RIMS2: variants seen among roughly 807,000 people sequenced by gnomAD.
RIMS2 encodes the protein regulating synaptic membrane exocytosis protein 2.
A neutral mutation model predicts 174.4 loss-of-function variants in RIMS2; 59 were observed. The observed-to-expected ratio is 0.34, with a 90% confidence interval of 0.27 to 0.42. The LOEUF (loss-of-function observed/expected upper bound fraction) is 0.42, where lower values mean the gene tolerates loss of function less well. Among genes scored for constraint, RIMS2 ranks in the 10% least tolerant of loss-of-function variants. RIMS2 has a pLI of 1.00. For synonymous variants in RIMS2, 606 were observed against 572.5 expected (o/e 1.06, Z -0.84); for missense variants, 1,620 against 1,666.3 (o/e 0.97, Z 0.48).
chr8:103,699,908 C>T (rs1367417883), intron 2 of RIMS2, among the ~76,000 whole-genome samples: 2 of 151,982 alleles, frequency 1.3e-5, no homozygotes, highest in East Asian at 3.9e-4. Flanking sequence ...TTAATGATTT[C>T]TAATTTACCT....
chr8:103,703,502 G>T (rs2097191475), intron 2 of RIMS2, among the ~76,000 whole-genome samples: 1 of 152,102 alleles, frequency 6.6e-6, no homozygotes, highest in Admixed American at 6.5e-5. Flanking sequence ...CTCCCAAAGT[G>T]CTGGAATTAT....
At chr8:104,172,181 G>A (rs1205627557) in intron 19 of RIMS2, among the ~76,000 whole-genome samples, 1 of 152,186 alleles carries the variant, frequency 6.6e-6, no homozygotes, top group Non-Finnish European at 1.5e-5. Context: ...AAAGCATGTG[G>A]GTAGATGTAA....
chr8:103,702,552 G>A (rs2097178287), intron 2 of RIMS2, among the ~76,000 whole-genome samples: 1 of 152,082 alleles, frequency 6.6e-6, no homozygotes, highest in Non-Finnish European at 1.5e-5. Flanking sequence ...ACAGTTTCAG[G>A]TCTTAGATTT....
intron 2 of RIMS2, among the ~76,000 whole-genome samples, chr8:103,756,266 T>G (rs1249646849): frequency 2.0e-5 from 3 of 152,058 alleles, no homozygotes; most frequent in Admixed American, 1.3e-4. Flanking sequence ...GAGGCTCAGT[T>G]GGAAATGTAG....
intron 3 of RIMS2, among the ~76,000 whole-genome samples, chr8:103,849,012 A>G (rs1000442547): frequency 6.6e-6 from 1 of 152,062 alleles, no homozygotes; most frequent in Non-Finnish European, 1.5e-5. Context: ...TCCATTTGGC[A>G]TTCAGCAATG....
intron 3 of RIMS2, among the ~76,000 whole-genome samples, chr8:103,847,201 G>T (rs2098972305): frequency 6.6e-6 from 1 of 152,072 alleles, no homozygotes; most frequent in African/African-American, 2.4e-5. Context: ...TTCCCAAGTG[G>T]ATAACTGGCA....
intron 1 of RIMS2, among the ~76,000 whole-genome samples, chr8:103,513,595 A>G (rs1827609150): frequency 6.6e-6 from 1 of 152,182 alleles, no homozygotes; most frequent in African/African-American, 2.4e-5. Context: ...CAGGCCAGGA[A>G]TTTTGGCCCA....
At chr8:103,915,430 C>T (rs2076470624) in intron 6 of RIMS2, 65 bp from the exon 10 acceptor site, 1 of 894,772 alleles carries the variant, frequency 1.1e-6, no homozygotes, top group Admixed American at 2.2e-5. Context: ...TATTCTTTTA[C>T]CTGAATCTTC....
chr8:103,794,539 T>C (rs575563247), intron 3 of RIMS2, among the ~76,000 whole-genome samples: 1 of 152,260 alleles, frequency 6.6e-6, no homozygotes, highest in African/African-American at 2.4e-5. Flanking sequence ...ACTTCATGAC[T>C]AAAACACCAA....
intron 19 of RIMS2, among the ~76,000 whole-genome samples, chr8:104,154,978 T>C (rs2098712599): frequency 6.6e-6 from 1 of 151,764 alleles, no homozygotes; most frequent in South Asian, 2.1e-4. Context: ...TTTTTTAATC[T>C]AAAAAACAAA....
At chr8:103,782,656 A>AC (rs2098402962) in intron 3 of RIMS2, among the ~76,000 whole-genome samples, 1 of 152,120 alleles carries the variant, frequency 6.6e-6, no homozygotes, top group African/African-American at 2.4e-5. Flanking sequence ...TCATTAGCCA[A>AC]CACAATATTA....
chr8:103,800,026 A>G (rs759012544), intron 3 of RIMS2, among the ~76,000 whole-genome samples: 2 of 152,192 alleles, frequency 1.3e-5, no homozygotes, highest in Non-Finnish European at 2.9e-5. Flanking sequence ...ATGATGAAGT[A>G]TGAATCCCAA....
At chr8:104,208,020 C>G (rs965354029) in intron 19 of RIMS2, among the ~76,000 whole-genome samples, 9 of 151,936 alleles carry the variant, frequency 5.9e-5, no homozygotes, top group Non-Finnish European at 7.4e-5. Context: ...CCTCCTGCCT[C>G]AGCCTCCCAA....
At chr8:103,744,424 T>G in intron 2 of RIMS2, among the ~76,000 whole-genome samples, 1 of 152,224 alleles carries the variant, frequency 6.6e-6, no homozygotes, top group East Asian at 1.9e-4. Context: ...TTGCTTATCT[T>G]GTGTCAAAAT....
chr8:103,531,617 A>C (rs1374311422), intron 1 of RIMS2, among the ~76,000 whole-genome samples: 1 of 152,172 alleles, frequency 6.6e-6, no homozygotes, highest in Non-Finnish European at 1.5e-5. Flanking sequence ...AATGGCTTTT[A>C]CATGTTTAAA....
At chr8:104,122,843 A>G (rs781590335) in intron 19 of RIMS2, among the ~76,000 whole-genome samples, 6 of 152,140 alleles carry the variant, frequency 3.9e-5, no homozygotes, top group Non-Finnish European at 8.8e-5. Context: ...AAATGTTTAC[A>G]TTTTCTATTA....
intron 19 of RIMS2, among the ~76,000 whole-genome samples, chr8:104,075,827 G>A (rs1271443537): frequency 1.3e-5 from 2 of 152,108 alleles, no homozygotes; most frequent in Admixed American, 1.3e-4. Flanking sequence ...AGTATGCTTA[G>A]TACTCAATGA....
intron 1 of RIMS2, among the ~76,000 whole-genome samples, chr8:103,550,372 A>G (rs942262640): frequency 1.3e-5 from 2 of 152,200 alleles, no homozygotes; most frequent in African/African-American, 4.8e-5. Context: ...ACCATAATGA[A>G]ATGAAGGCAG....
At chr8:104,173,920 G>GATTTATTTATTT (rs71297263) in intron 19 of RIMS2, among the ~76,000 whole-genome samples, 5,588 of 138,918 alleles carry the variant, frequency 0.04, 203 homozygotes, top group East Asian at 0.18. Flanking sequence ...AATGTTAAAG[G>GATTTATTTATTT]ATTTATTTAT....
Sources: allele counts gnomAD v4.1 joint callset (sites outside exome capture counted in the v4.1 genomes callset), GRCh38; gene constraint gnomAD v4.1.1; transcripts MANE v1.5; gene names NCBI Gene and HGNC (gene_info 2026-07-23, HGNC 2026-07-21).